EIF5A2: variants seen among roughly 807,000 people sequenced by gnomAD.
The protein encoded by EIF5A2 is eukaryotic translation initiation factor 5A2.
A neutral mutation model predicts 16.4 loss-of-function variants in EIF5A2; 15 were observed. That is an observed-to-expected ratio of 0.92 (90% CI 0.61 to 1.41). The LOEUF (loss-of-function observed/expected upper bound fraction) is 1.41, where lower values mean the gene tolerates loss of function less well. Among genes scored for constraint, EIF5A2 ranks in the 40% most tolerant of loss-of-function variants. The pLI, the probability that EIF5A2 is intolerant of heterozygous loss-of-function variation, is 0.00. For missense variants in EIF5A2, 144 were observed against 189.5 expected (o/e 0.76, Z 1.41); for synonymous variants, 48 against 61.1 (o/e 0.79, Z 1.00).
At chr3:170,899,654 A>G (rs1576788051) in intron 3 of EIF5A2, among the ~76,000 whole-genome samples, 1 of 151,994 alleles carries the variant, frequency 6.6e-6, no homozygotes, top group African/African-American at 2.4e-5. Flanking sequence ...CAACTTTGAT[A>G]TGCTGACTAA....
At chr3:170,897,170 T>C (rs930173456) in intron 3 of EIF5A2, among the ~76,000 whole-genome samples, 1 of 152,220 alleles carries the variant, frequency 6.6e-6, no homozygotes, top group African/African-American at 2.4e-5. Context: ...GATCTGAAAC[T>C]GGAGCTCATG....
At position 170,890,510 on chromosome 3, in the gene EIF5A2, AC is replaced by A. The variant is rs1311662278; in HGVS notation, c.*2849del. ...GCCCCTGGAAGGGAGCATGAAAAAA[AC>A]ATCATAATTATGTTTATGATGCAAA... On this transcript the variant is annotated 3_prime_UTR_variant, in exon 5 of 5. Coordinates refer to ENST00000295822, the MANE Select transcript of EIF5A2 (RefSeq NM_020390.6). 5.3e-5 allele frequency: 8 copies of A among 152,172 alleles called. No homozygotes were observed. The highest frequency in any genetic ancestry group is 8.8e-5 in the Non-Finnish European group (6 of 67,988). The allele number at this position is 152,172 out of a possible 1,614,324, so 9.4% of individuals were successfully genotyped here. A position where few individuals can be genotyped will look rare whatever the true frequency, so the allele number is the denominator to read the frequency against.
intron 3 of EIF5A2, among the ~76,000 whole-genome samples, chr3:170,905,923 T>A (rs1712925821): frequency 6.6e-6 from 1 of 152,056 alleles, no homozygotes; most frequent in Admixed American, 6.5e-5. Context: ...CAATTCAAAT[T>A]TCTACAAAGA....
rs1712540980 is a variant in EIF5A2 at position 170,891,715 on chromosome 3, ATT to A, written c.*1643_*1644del. ...GAATTAAGGTATTTCTGAGATAGTG[ATT>A]TTGTTCTATGTTTTGCTCCAATATG... On this transcript the variant is annotated 3_prime_UTR_variant, in exon 5 of 5. Coordinates refer to ENST00000295822, the MANE Select transcript of EIF5A2 (RefSeq NM_020390.6). The A allele has an allele frequency of 6.6e-6, 1 of 152,570 alleles. No individual in the cohort carries two copies. The highest frequency in any genetic ancestry group is 1.5e-5 in the Non-Finnish European group (1 of 68,028). 9.5% of individuals were successfully genotyped at this position (152,570 alleles called of 1,614,324 possible). A position where few individuals can be genotyped will look rare whatever the true frequency, so the allele number is the denominator to read the frequency against.
Position 170,907,717 on chromosome 3 carries a change from G to T in EIF5A2, c.90C>A (p.Phe30Leu). 6.2e-7 allele frequency: 1 copy of T among 1,611,104 alleles called. No individual in the cohort carries two copies. Among genetic ancestry groups the T allele is most frequent in the Non-Finnish European group, 8.5e-7 (1 of 1,177,624 alleles). Reference sequence around the variant, plus strand: ...TGCATGGTCGTCCTTTGAGCACCACGAAGCCGTTTTTGCGCAAGGCCGAGC... The same window carrying T: ...TGCATGGTCGTCCTTTGAGCACCACTAAGCCGTTTTTGCGCAAGGCCGAGC... ...MQCSALRKNG[F>L]VVLKGRPCKI... is the part of the protein sequence containing the mutation. Residue 30 changes from phenylalanine (F) to leucine (L), a missense_variant, in exon 2 of 5, where the codon TTC (phenylalanine) becomes TTA (leucine). Transcript: ENST00000295822.
chr3:170,904,663 ATT>A (rs907501397), intron 3 of EIF5A2, among the ~76,000 whole-genome samples: 2 of 148,498 alleles, frequency 1.3e-5, no homozygotes, highest in African/African-American at 4.9e-5. Flanking sequence ...TGCCTCGCTA[ATT>A]TTTTTTTTTC....
At chr3:170,906,892 C>A (rs1712948826) in intron 3 of EIF5A2, 97 bp downstream of exon 3, 1 of 722,256 alleles carries the variant, frequency 1.4e-6, no homozygotes, top group Non-Finnish European at 2.1e-6. Context: ...GAAAAACCTA[C>A]AAAACTACTC....
intron 3 of EIF5A2, among the ~76,000 whole-genome samples, chr3:170,897,238 G>T (rs562669126): frequency 1.3e-5 from 2 of 152,190 alleles, no homozygotes; most frequent in Admixed American, 1.3e-4. Flanking sequence ...CCATGTAGTA[G>T]AAAAGAAAAA....
intron 4 of EIF5A2, among the ~76,000 whole-genome samples, 155 bp from the exon 5 acceptor site, chr3:170,893,574 A>G (rs375809713): frequency 6.6e-6 from 1 of 152,252 alleles, no homozygotes; most frequent in African/African-American, 2.4e-5. Flanking sequence ...ACAGTTTTCT[A>G]AAGCAGAATT....
In EIF5A2 at chr3:170,891,159, C is replaced by G. The variant is rs1052150912; in HGVS notation, c.*2201G>C. ...GGGGCATGCTAATTGAGAGTTAATA[C>G]TGAATCATAACACCAGCATGGTTAA... On this transcript the variant is annotated 3_prime_UTR_variant, in exon 5 of 5. Transcript: ENST00000295822. The G allele has an allele frequency of 6.6e-6, 1 of 152,410 alleles. No individual in the cohort carries two copies. The highest frequency in any genetic ancestry group is 2.4e-5 in the African/African-American group (1 of 41,410). The allele number at this position is 152,410 out of a possible 1,614,324, so 9.4% of individuals were successfully genotyped here.
Position 170,890,133 on chromosome 3 carries a change from A to G in EIF5A2, c.*3227T>C, listed in dbSNP as rs1482981139. On this transcript the variant is annotated 3_prime_UTR_variant, in exon 5 of 5. Transcript: ENST00000295822. ...CAACTAGAAATATTCTAATTGAGAA[A>G]CCTTAAAGTACAAAAACAAGTTGTG... 5 of 152,380 alleles carry G rather than the reference A, an allele frequency of 3.3e-5. No individual in the cohort carries two copies. The highest frequency in any genetic ancestry group is 7.4e-5 in the Non-Finnish European group (5 of 67,942). 9.4% of individuals were successfully genotyped at this position (152,380 alleles called of 1,614,324 possible).
Position 170,893,157 on chromosome 3 carries a change from T to C in EIF5A2, c.*203A>G. 2.2e-6 allele frequency: 1 copy of C among 464,478 alleles called. No individual in the cohort carries two copies. Among genetic ancestry groups the C allele is most frequent in the South Asian group, 5.3e-5 (1 of 18,882 alleles). The allele number at this position is 464,478 out of a possible 1,614,324, so 28.8% of individuals were successfully genotyped here. The stretch of plus-strand genomic sequence containing the variant: ...ACAGGAATATTATAGGAAACATATC[T>C]ACAAAATTCAAAAAAAATTATACAT... On this transcript the variant is annotated 3_prime_UTR_variant, in exon 5 of 5. Coordinates refer to ENST00000295822, the MANE Select transcript of EIF5A2 (RefSeq NM_020390.6).
At chr3:170,904,295 G>A (rs1459142534) in intron 3 of EIF5A2, among the ~76,000 whole-genome samples, 22 of 152,098 alleles carry the variant, frequency 1.4e-4, no homozygotes, top group Admixed American at 1.2e-3. Context: ...AATACGTTTT[G>A]TTTCCTGTTT....
chr3:170,888,769 A>G lies in EIF5A2; in HGVS notation c.*4591T>C, dbSNP rs1271317254. On this transcript the variant is annotated 3_prime_UTR_variant, in exon 5 of 5. Coordinates refer to ENST00000295822, the MANE Select transcript of EIF5A2 (RefSeq NM_020390.6). ...TTTTTGGGGAGGAAGACAAAAGTAC[A>G]TAACAGTATAGAACTAGTCATTTTC... 5 of 152,594 alleles carry G rather than the reference A, an allele frequency of 3.3e-5. No individual in the cohort carries two copies. Among genetic ancestry groups the G allele is most frequent in the East Asian group, 3.8e-4 (2 of 5,200 alleles). 9.5% of individuals were successfully genotyped at this position (152,594 alleles called of 1,614,324 possible). A position where few individuals can be genotyped will look rare whatever the true frequency, so the allele number is the denominator to read the frequency against.
chr3:170,901,618 G>C (rs1239849998), intron 3 of EIF5A2, among the ~76,000 whole-genome samples: 1 of 151,016 alleles, frequency 6.6e-6, no homozygotes, highest in Non-Finnish European at 1.5e-5. Flanking sequence ...GAGTGCAGTG[G>C]CGCAATCTTG....
intron 3 of EIF5A2, among the ~76,000 whole-genome samples, chr3:170,895,901 C>G (rs1712659469): frequency 6.6e-6 from 1 of 152,178 alleles, no homozygotes; most frequent in Non-Finnish European, 1.5e-5. Context: ...GCCTCGAACT[C>G]CTGGGGTCAA....
intron 3 of EIF5A2, among the ~76,000 whole-genome samples, chr3:170,900,663 A>G (rs1454611804): frequency 1.3e-5 from 2 of 152,346 alleles, no homozygotes; most frequent in Admixed American, 1.3e-4. Flanking sequence ...TCGAGTTTAT[A>G]ATGAAAAAAA....
chr3:170,907,749 T>C lies in EIF5A2; in HGVS notation c.58A>G (p.Met20Val), dbSNP rs537283443. The C allele has an allele frequency of 6.2e-6, 10 of 1,601,104 alleles. No individual in the cohort carries two copies. In the South Asian group the frequency reaches 7.8e-5, roughly 12 times the overall value. Reference sequence around the variant, plus strand: ...TTTTTGCGCAAGGCCGAGCACTGCATAGGGTAAGTGCTGGAAGCCCCGGCA... The same window carrying C: ...TTTTTGCGCAAGGCCGAGCACTGCACAGGGTAAGTGCTGGAAGCCCCGGCA... Reference protein sequence around the residue: ...GDAGASSTYPMQCSALRKNGF... With the variant: ...GDAGASSTYPVQCSALRKNGF... The change falls in exon 2 of 5, where the codon ATG becomes GTG. Residue 20 changes from methionine to valine, a missense_variant. By Grantham distance (21) the Met-to-Val change is conservative. Coordinates refer to ENST00000295822, the MANE Select transcript of EIF5A2 (RefSeq NM_020390.6).
chr3:170,893,226 C>A lies in EIF5A2; in HGVS notation c.*134G>T. 1 of 778,824 alleles carries A rather than the reference C, an allele frequency of 1.3e-6. No individual in the cohort carries two copies. Among genetic ancestry groups the A allele is most frequent in the Non-Finnish European group, 1.9e-6 (1 of 534,776 alleles). 48.2% of individuals were successfully genotyped at this position (778,824 alleles called of 1,614,324 possible). A position where few individuals can be genotyped will look rare whatever the true frequency, so the allele number is the denominator to read the frequency against. ...ATTATCAATTGCTTGCAAAACTAAC[C>A]CAGCACAATCTGAAAACAATTAAAA... On this transcript the variant is annotated 3_prime_UTR_variant, in exon 5 of 5. Coordinates refer to ENST00000295822, the MANE Select transcript of EIF5A2 (RefSeq NM_020390.6).
Sources: allele counts gnomAD v4.1 joint callset (sites outside exome capture counted in the v4.1 genomes callset), GRCh38; gene constraint gnomAD v4.1.1; transcripts MANE v1.5; gene names NCBI Gene and HGNC (gene_info 2026-07-23, HGNC 2026-07-21).